SDK2: variants seen among roughly 807,000 people sequenced by gnomAD.
SDK2 encodes the protein protein sidekick-2.
Under a neutral mutation model 253.9 loss-of-function variants are expected in SDK2, and 105 were observed. The ratio of observed to expected loss-of-function variants is 0.41; its 90% CI spans 0.35 to 0.49. SDK2 has a LOEUF of 0.49. SDK2 is among the 20% of genes least tolerant of loss of function. The pLI is 0.06. For synonymous variants in SDK2, 1,249 were observed against 1,234.9 expected (o/e 1.01, Z -0.24); for missense variants, 2,608 against 3,003.0 (o/e 0.87, Z 3.07).
Position 73,590,473 on chromosome 17 carries a change from C to T in SDK2, c.64+53552G>A, listed in dbSNP as rs1489038511. On this transcript the variant is annotated intron_variant, in intron 1 of 44. Coordinates refer to ENST00000392650, the MANE Select transcript of SDK2 (RefSeq NM_001144952.2). ...CTGCTGTGCAACACCATTGCTCTGC[C>T]CCGTCTGGCTCTGGGCTGCTCCTTC... 2.0e-5 allele frequency among the ~76,000 whole-genome samples: 3 copies of T among 152,354 alleles called. No homozygotes were observed. The East Asian group carries it at 5.8e-4, about 29-fold the overall frequency.
At chr17:73,422,219 C>A (rs1039231666) in intron 15 of SDK2, 68 bp downstream of exon 15, 2 of 1,564,476 alleles carry the variant, frequency 1.3e-6, no homozygotes, top group Non-Finnish European at 1.7e-6. Flanking sequence ...TCTGCCACAT[C>A]GGTTTCGGCT....
chr17:73,586,354 G>A (rs376665441), intron 1 of SDK2, among the ~76,000 whole-genome samples: 6 of 151,908 alleles, frequency 3.9e-5, no homozygotes, highest in East Asian at 3.9e-4. Flanking sequence ...CATCCATGTC[G>A]CTCACTTGGC....
chr17:73,527,932 T>C (rs1872081), intron 1 of SDK2, among the ~76,000 whole-genome samples: 60,714 of 151,714 alleles, frequency 0.4, 12,858 homozygotes, highest in East Asian at 0.67. Context: ...AGAATGGGGA[T>C]TGTGGAGCTG....
chr17:73,625,539 C>G (rs2046190627), intron 1 of SDK2, among the ~76,000 whole-genome samples: 1 of 152,362 alleles, frequency 6.6e-6, no homozygotes. Flanking sequence ...GGCAGTCACC[C>G]TGGGCCCCAC....
intron 1 of SDK2, among the ~76,000 whole-genome samples, chr17:73,555,332 C>G (rs1046129766): frequency 6.6e-6 from 1 of 152,226 alleles, no homozygotes; most frequent in African/African-American, 2.4e-5. Context: ...GAGCTCATCT[C>G]CAGTGGGGAG....
Position 73,419,220 on chromosome 17 carries a change from C to T in SDK2, c.2132G>A (p.Trp711Ter). Reference sequence around the variant, plus strand: ...CTGGTGGCTCTCAGGAGGCGGCTGCCACTGGATCATGATGGACTGGTTGGT... The same window carrying T: ...CTGGTGGCTCTCAGGAGGCGGCTGCTACTGGATCATGATGGACTGGTTGGT... The part of the protein sequence containing the change: ...GRTNQSIMIQ[W>*]QPPPESHQNG... Residue 711 changes from tryptophan (W) to a stop codon, truncating the protein, a stop_gained, in exon 16 of 45, where the codon TGG becomes TAG. Transcript: ENST00000392650. LOFTEE classifies it high-confidence loss of function. The T allele has an allele frequency of 6.2e-7, 1 of 1,612,770 alleles. No individual in the cohort carries two copies. Among genetic ancestry groups the T allele is most frequent in the Non-Finnish European group, 8.5e-7 (1 of 1,179,546 alleles).
In SDK2 at chr17:73,398,335, G is replaced by A; in HGVS notation, c.3188C>T (p.Pro1063Leu). 6.2e-7 allele frequency: 1 copy of A among 1,613,988 alleles called. No homozygotes were observed. Among genetic ancestry groups the A allele is most frequent in the Non-Finnish European group, 8.5e-7 (1 of 1,179,852 alleles). The change falls in exon 23 of 45, where the codon CCC becomes CTC. Residue 1063 changes from proline (P) to leucine (L), a missense_variant. By Grantham distance (98) the Pro-to-Leu change is moderately conservative. Transcript: ENST00000392650. ...ARSMEVPDLN[P>L]FTCYSFRMRQ... is the part of the protein sequence containing the mutation. The stretch of plus-strand genomic sequence containing the variant: ...GTCTCATTACCTGTAGCAGGTGAAG[G>A]GGTTGAGGTCGGGCACCTCCATGGA...
At position 73,383,791 on chromosome 17, in the gene SDK2, C is replaced by A; in HGVS notation, c.4705+85G>T. On this transcript the variant is annotated intron_variant, in intron 33 of 44. Coordinates refer to ENST00000392650, the MANE Select transcript of SDK2 (RefSeq NM_001144952.2). The surrounding 1 kb of genome is among the most constrained non-coding windows in gnomAD (Gnocchi z 4.3). ...GGCAAGGTTTCAGGTTAGAGTGGTT[C>A]CAGGAAGCTGAGAGCTCCAGAGCGG... 1 of 1,559,308 alleles carries A rather than the reference C, an allele frequency of 6.4e-7. No individual in the cohort carries two copies. Among genetic ancestry groups the A allele is most frequent in the Non-Finnish European group, 8.8e-7 (1 of 1,139,652 alleles).
At chr17:73,505,906 C>T (rs2063931769) in intron 2 of SDK2, among the ~76,000 whole-genome samples, 1 of 152,256 alleles carries the variant, frequency 6.6e-6, no homozygotes, top group African/African-American at 2.4e-5. Flanking sequence ...GGCCATTCCA[C>T]ATGGTCCTTC....
rs952749304 is a variant in SDK2 at position 73,456,583 on chromosome 17, C to G, written c.332-530G>C. 3.3e-5 allele frequency among the ~76,000 whole-genome samples: 5 copies of G among 152,298 alleles called. No homozygotes were observed. The East Asian group carries it at 5.8e-4, about 18-fold the overall frequency. On this transcript the variant is annotated intron_variant, in intron 3 of 44. Transcript: ENST00000392650. Reference sequence around the variant, plus strand: ...GAGAGAATGGGGTCTTAGATGCTTGCAAATGGGTGCAGACAGCGTTTCTCT... The same window carrying G: ...GAGAGAATGGGGTCTTAGATGCTTGGAAATGGGTGCAGACAGCGTTTCTCT...
rs768734909 is a variant in SDK2 at position 73,401,742 on chromosome 17, G to A, written c.2691C>T (p.Pro897=). Residue 897 remains proline, a synonymous_variant, in exon 20 of 45, where the codon CCC becomes CCT. Transcript: ENST00000392650. ...TCTCACTGAAGCTCAGGTGTCCCAC[G>A]GGCCCAGGCACTGCACCCCAAAAGG... The part of the protein sequence containing the change: ...LVRTHEDVPG[P]VGHLSFSEIL... 69 of 1,577,376 alleles carry A rather than the reference G, an allele frequency of 4.4e-5. No individual in the cohort carries two copies. Among genetic ancestry groups the A allele is most frequent in the Admixed American group, 7.3e-5 (4 of 55,112 alleles).
intron 18 of SDK2, among the ~76,000 whole-genome samples, chr17:73,414,006 A>G (rs1408840896): frequency 6.6e-6 from 1 of 151,788 alleles, no homozygotes; most frequent in East Asian, 1.9e-4. Context: ...TCATGGGGCC[A>G]TGGCTATACC....
At position 73,414,562 on chromosome 17, in the gene SDK2, C is replaced by G. The variant is rs749072319; in HGVS notation, c.2484+82G>C. ...ACTTCAGAAACAGAGGGGGGATTTCCTCCTGCCCACTCTGTCCCCTCTCCC... is the reference window on the plus strand; with the variant it reads ...ACTTCAGAAACAGAGGGGGGATTTCGTCCTGCCCACTCTGTCCCCTCTCCC... On this transcript the variant is annotated intron_variant, in intron 18 of 44. Transcript: ENST00000392650. 43 of 1,053,318 alleles carry G rather than the reference C, an allele frequency of 4.1e-5. No homozygotes were observed. In the Middle Eastern group the frequency reaches 1.4e-3, roughly 35 times the overall value. 65.2% of individuals were successfully genotyped at this position (1,053,318 alleles called of 1,614,324 possible).
intron 5 of SDK2, among the ~76,000 whole-genome samples, chr17:73,446,793 G>A (rs564166494): frequency 5.3e-4 from 80 of 152,216 alleles, no homozygotes; most frequent in Non-Finnish European, 8.5e-4. Flanking sequence ...CTCTGGCCTC[G>A]CCCCACATAC....
At chr17:73,367,366 T>C (rs1441307058) in intron 37 of SDK2, among the ~76,000 whole-genome samples, 1 of 152,126 alleles carries the variant, frequency 6.6e-6, no homozygotes, top group African/African-American at 2.4e-5. Context: ...TCGCCCCATT[T>C]TCCTGCAAGC....
chr17:73,591,417 C>T (rs112694693), intron 1 of SDK2, among the ~76,000 whole-genome samples: 1,751 of 152,246 alleles, frequency 0.012, 24 homozygotes, highest in African/African-American at 0.04. Flanking sequence ...TCTGCTCCCC[C>T]GGCCACCAGC....
intron 41 of SDK2, 31 bp from the exon 42 acceptor site, chr17:73,350,821 G>A: frequency 1.3e-6 from 2 of 1,572,796 alleles, no homozygotes; most frequent in Non-Finnish European, 1.7e-6. Flanking sequence ...TATATAGGGT[G>A]CTCAGCCCCC....
At chr17:73,388,190 C>G (rs1189182612) in intron 29 of SDK2, among the ~76,000 whole-genome samples, 153 bp from the exon 30 acceptor site, 1 of 152,154 alleles carries the variant, frequency 6.6e-6, no homozygotes, top group East Asian at 1.9e-4. Flanking sequence ...CTTGCAGGTT[C>G]TCACACCTGG....
chr17:73,636,462 C>T (rs895885233), intron 1 of SDK2, among the ~76,000 whole-genome samples: 2 of 151,828 alleles, frequency 1.3e-5, no homozygotes, highest in Non-Finnish European at 2.9e-5. Context: ...CCGAGGTGGG[C>T]GAGTCACTTG....
Sources: allele counts gnomAD v4.1 joint callset (sites outside exome capture counted in the v4.1 genomes callset), GRCh38; gene constraint gnomAD v4.1.1; non-coding constraint Gnocchi (gnomAD v3.1); transcripts MANE v1.5; gene names NCBI Gene and HGNC (gene_info 2026-07-23, HGNC 2026-07-21).